PPP2R5C: variants seen among roughly 807,000 people sequenced by gnomAD.
PPP2R5C encodes serine/threonine-protein phosphatase 2A 56 kDa regulatory subunit gamma isoform.
In PPP2R5C, 7 loss-of-function variants were observed where a neutral mutation model predicts 68.9. That is an observed-to-expected ratio of 0.10 (90% CI 0.06 to 0.19). The LOEUF (loss-of-function observed/expected upper bound fraction) is 0.19. PPP2R5C is among the 10% of genes least tolerant of loss of function. PPP2R5C has a pLI of 1.00. For missense variants in PPP2R5C, 348 were observed against 641.3 expected, an observed-to-expected ratio of 0.54 and a Z score of 4.94; for synonymous variants, 210 against 222.2, an observed-to-expected ratio of 0.95 and a Z score of 0.49.
intron 1 of PPP2R5C, among the ~76,000 whole-genome samples, chr14:101,830,864 G>A (rs2040692033): frequency 6.6e-6 from 1 of 152,178 alleles, no homozygotes; most frequent in African/African-American, 2.4e-5. Flanking sequence ...AAGTAAAATG[G>A]AAGTGTCACT....
At chr14:101,895,720 T>C (rs970188083) in intron 8 of PPP2R5C, among the ~76,000 whole-genome samples, 2 of 152,228 alleles carry the variant, frequency 1.3e-5, no homozygotes, top group Admixed American at 6.5e-5. Context: ...GTTTTTTCAG[T>C]GTACACCTGG....
chr14:101,924,223 T>A (rs2047161838), intron 13 of PPP2R5C, among the ~76,000 whole-genome samples: 1 of 152,122 alleles, frequency 6.6e-6, no homozygotes, highest in Non-Finnish European at 1.5e-5. Flanking sequence ...ACTCTCCAAA[T>A]TAAGTTTCCC....
chr14:101,923,070 C>T (rs1433050782), intron 13 of PPP2R5C, among the ~76,000 whole-genome samples: 1 of 152,212 alleles, frequency 6.6e-6, no homozygotes, highest in Non-Finnish European at 1.5e-5. Context: ...TCCGCCCCTG[C>T]CAGCATGTTC....
At chr14:101,809,688 CA>C, upstream of PPP2R5C, 1 of 578,218 alleles carries the variant, frequency 1.7e-6, no homozygotes, top group Non-Finnish European at 2.5e-6. Context: ...ACGAAGGCTG[CA>C]AAAAGCCGGA....
At position 101,913,122 on chromosome 14, in the gene PPP2R5C, C is replaced by T. The variant is rs889111541; in HGVS notation, c.1326+649C>T. 1.8e-4 allele frequency among the ~76,000 whole-genome samples: 27 copies of T among 152,166 alleles called. No individual in the cohort carries two copies. The highest frequency in any genetic ancestry group is 3.5e-4 in the Non-Finnish European group (24 of 68,040). The stretch of plus-strand genomic sequence containing the variant: ...TGTCATGGTCTTTGGGTTTGATGTA[C>T]GCTGCTGTAAATGACTAGAGCGTTA... On this transcript the variant is annotated intron_variant, in intron 12 of 13. Transcript: ENST00000334743. The surrounding 1 kb of genome is among the most constrained non-coding windows in gnomAD (Gnocchi z 4.1).
At chr14:101,829,224 C>T (rs2040585202) in intron 1 of PPP2R5C, among the ~76,000 whole-genome samples, 1 of 152,080 alleles carries the variant, frequency 6.6e-6, no homozygotes, top group Admixed American at 6.6e-5. Context: ...TTCTCCATTC[C>T]TCCAAGAAAG....
In PPP2R5C at chr14:101,817,305, A is replaced by G. The variant is rs138914552; in HGVS notation, c.94+7269A>G. Among the ~76,000 whole-genome samples, 1,427 of 152,278 alleles carry G rather than the reference A, an allele frequency of 9.4e-3. 25 individuals are homozygous for G. The highest frequency in any genetic ancestry group is 0.032 in the African/African-American group (1,343 of 41,554). On this transcript the variant is annotated intron_variant, in intron 1 of 13. Coordinates refer to ENST00000334743, the Ensembl canonical transcript of PPP2R5C. The stretch of plus-strand genomic sequence containing the variant: ...GGCTGTTTCGCTCTCTTATCATTTC[A>G]ATATTCTCTGGTGAAGGAAATATCT...
intron 3 of PPP2R5C, among the ~76,000 whole-genome samples, chr14:101,792,461 C>T (rs1396717497): frequency 3.9e-5 from 6 of 152,306 alleles, no homozygotes; most frequent in South Asian, 2.1e-4. Context: ...TTTACTCTAA[C>T]GTTCTTCTGA....
intron 2 of PPP2R5C, among the ~76,000 whole-genome samples, chr14:101,872,488 T>C (rs1468555989): frequency 1.3e-5 from 2 of 152,166 alleles, no homozygotes; most frequent in East Asian, 3.9e-4. Context: ...TCCTTTCATC[T>C]TGGCCTCCCA....
chr14:101,876,988 G>T (rs890900573), intron 2 of PPP2R5C, among the ~76,000 whole-genome samples: 2 of 106,904 alleles, frequency 1.9e-5, no homozygotes, highest in African/African-American at 7.5e-5. Flanking sequence ...TCACTCTATT[G>T]CCCAGGCTGG....
chr14:101,894,445 G>C (rs2045168044), intron 7 of PPP2R5C, 62 bp from the exon 10 acceptor site: 3 of 1,504,886 alleles, frequency 2.0e-6, no homozygotes, highest in Non-Finnish European at 2.8e-6. Context: ...GATGATTCTA[G>C]AAGAAGCACA....
Position 101,910,973 on chromosome 14 carries a change from A to G in PPP2R5C, c.1253+1283A>G, listed in dbSNP as rs146298565. The stretch of plus-strand genomic sequence containing the variant: ...CAAAAAATTAGCCGGGCGTGGTGGC[A>G]GGCGCCTGTGGTCCCAGCTACTCAG... On this transcript the variant is annotated intron_variant, in intron 11 of 13. Transcript: ENST00000334743. Among the ~76,000 whole-genome samples, 232 of 152,048 alleles carry G rather than the reference A, an allele frequency of 1.5e-3. 5 individuals carry two copies. The East Asian group carries it at 0.035, about 23-fold the overall frequency.
intron 2 of PPP2R5C, among the ~76,000 whole-genome samples, chr14:101,881,846 A>G (rs1217885032): frequency 1.3e-5 from 2 of 152,146 alleles, no homozygotes; most frequent in Non-Finnish European, 2.9e-5. Flanking sequence ...CCCACTGGAT[A>G]GTATAAGACC....
chr14:101,836,281 C>T (rs933530305), intron 1 of PPP2R5C: 18 of 702,738 alleles, frequency 2.6e-5, no homozygotes, highest in Admixed American at 4.0e-5. Flanking sequence ...GAGAACCCCG[C>T]GGCCCCCAAA....
chr14:101,912,068 A>G (rs2046423392), intron 11 of PPP2R5C, among the ~76,000 whole-genome samples: 1 of 152,122 alleles, frequency 6.6e-6, no homozygotes, highest in Non-Finnish European at 1.5e-5. Flanking sequence ...TCGTTTTTTC[A>G]GTGGATATAT....
At chr14:101,886,212 C>T (rs905425293) in intron 5 of PPP2R5C, among the ~76,000 whole-genome samples, 14 of 149,976 alleles carry the variant, frequency 9.3e-5, no homozygotes, top group Admixed American at 7.4e-4. Context: ...ACCCGGGAGG[C>T]GGAGCTTACA....
chr14:101,918,477 G>GCC lies in PPP2R5C; in HGVS notation c.1443+535_1443+536dup, dbSNP rs1380069765. Among the ~76,000 whole-genome samples the GCC allele has an allele frequency of 5.8e-4, 14 of 24,114 alleles. No individual in the cohort carries two copies. In the East Asian group the frequency reaches 0.01, roughly 18 times the overall value. The allele number at this position is 24,114 out of a possible 152,430, so 15.8% of individuals were successfully genotyped here. ...CCCCTTCATCCCCCTCGCTCCTCTG[G>GCC]CCCCCCACCCCTCCCCCCACCCCTC... On this transcript the variant is annotated intron_variant, in intron 13 of 13. Transcript: ENST00000334743.
In PPP2R5C at chr14:101,917,295, C is replaced by T. The variant is rs2046729332; in HGVS notation, c.1327-536C>T. ...AGGCTGCGTTTGTTTTGGTGGAGAG[C>T]AAGTCACCCGGGATGTGATGAGAGG... On this transcript the variant is annotated intron_variant, in intron 12 of 13. Transcript: ENST00000334743. This position sits in a 1 kb window ranked among gnomAD's most constrained non-coding sequence, Gnocchi z 4.4. 6.6e-6 allele frequency among the ~76,000 whole-genome samples: 1 copy of T among 152,046 alleles called. No homozygotes were observed. Among genetic ancestry groups the T allele is most frequent in the Non-Finnish European group, 1.5e-5 (1 of 68,008 alleles).
chr14:101,827,101 G>A (rs1191321834), intron 1 of PPP2R5C, among the ~76,000 whole-genome samples: 9 of 148,684 alleles, frequency 6.1e-5, no homozygotes, highest in East Asian at 2.0e-4. Flanking sequence ...TCAGCCTCCC[G>A]AGTATCTAGG....
Sources: allele counts gnomAD v4.1 joint callset (sites outside exome capture counted in the v4.1 genomes callset), GRCh38; gene constraint gnomAD v4.1.1; non-coding constraint Gnocchi (gnomAD v3.1); transcripts MANE v1.5; gene names NCBI Gene and HGNC (gene_info 2026-07-23, HGNC 2026-07-21).